ASPH: variants seen among roughly 807,000 people sequenced by gnomAD.
The protein encoded by ASPH is aspartyl/asparaginyl beta-hydroxylase.
Under a neutral mutation model 118.4 loss-of-function variants are expected in ASPH, and 100 were observed. The ratio of observed to expected loss-of-function variants is 0.84; its 90% CI spans 0.72 to 1.00. The LOEUF (loss-of-function observed/expected upper bound fraction) is 1.00, where lower values mean the gene tolerates loss of function less well. Among genes scored for constraint, ASPH ranks in the 50% least tolerant of loss-of-function variants. The pLI, the probability that ASPH is intolerant of heterozygous loss-of-function variation, is 0.00. For missense variants in ASPH, 920 were observed against 919.5 expected, an observed-to-expected ratio of 1.00 and a Z score of -0.01; for synonymous variants, 315 against 325.6, an observed-to-expected ratio of 0.97 and a Z score of 0.35.
intron 24 of ASPH, among the ~76,000 whole-genome samples, chr8:61,515,453 G>A (rs1245283952): frequency 6.6e-6 from 1 of 151,964 alleles, no homozygotes; most frequent in African/African-American, 2.4e-5. Flanking sequence ...TTCCTTCTTG[G>A]TTCTCCTTCC....
At chr8:61,683,857 A>G in intron 2 of ASPH, 182 bp downstream of exon 2, 1 of 626,716 alleles carries the variant, frequency 1.6e-6, no homozygotes. Context: ...ACATTTAAAG[A>G]GTTCAAAAGA....
chr8:61,677,893 A>T (rs1484033493), intron 3 of ASPH, among the ~76,000 whole-genome samples: 1 of 152,210 alleles, frequency 6.6e-6, no homozygotes, highest in East Asian at 1.9e-4. Context: ...ATATGCAACG[A>T]ATATGCAAAA....
chr8:61,607,598 T>C (rs1343508596), intron 14 of ASPH, among the ~76,000 whole-genome samples: 2 of 150,902 alleles, frequency 1.3e-5, no homozygotes, highest in Admixed American at 1.3e-4. Context: ...AATGTTTTCT[T>C]ATTACTTTAA....
At chr8:61,610,906 T>G (rs548247298) in intron 14 of ASPH, among the ~76,000 whole-genome samples, 20 of 152,324 alleles carry the variant, frequency 1.3e-4, no homozygotes, top group Non-Finnish European at 2.4e-4. Context: ...TTCAAGGCGG[T>G]GATGGCTTGA....
chr8:61,648,582 C>T (rs1046521001), intron 5 of ASPH, among the ~76,000 whole-genome samples: 3 of 152,184 alleles, frequency 2.0e-5, no homozygotes, highest in African/African-American at 7.2e-5. Context: ...TTTACACTAG[C>T]AGGATTTAGC....
chr8:61,584,045 G>A lies in ASPH; in HGVS notation c.977-16C>T, dbSNP rs926808794. On this transcript the variant is annotated splice_polypyrimidine_tract_variant and intron_variant, in intron 14 of 24. Transcript: ENST00000379454. ...TTTTTCTTAACTGAAAGAAAAAAGA[G>A]ATTTTTATTTTTAACGTTTTTTGAC... The A allele has an allele frequency of 7.0e-7, 1 of 1,435,508 alleles. No homozygotes were observed. The highest frequency in any genetic ancestry group is 2.1e-5 in the Admixed American group (1 of 46,820). 88.9% of individuals were successfully genotyped at this position (1,435,508 alleles called of 1,614,324 possible). A position where few individuals can be genotyped will look rare whatever the true frequency, so the allele number is the denominator to read the frequency against.
intron 15 of ASPH, among the ~76,000 whole-genome samples, chr8:61,577,421 A>AAAAAAAAG (rs1197809235): frequency 1.3e-5 from 2 of 148,380 alleles, no homozygotes; most frequent in African/African-American, 5.1e-5. Flanking sequence ...AAAAAAAAAA[A>AAAAAAAAG]AAGACAAGAC....
At chr8:61,537,800 G>T (rs1345029076) in intron 21 of ASPH, among the ~76,000 whole-genome samples, 5 of 151,900 alleles carry the variant, frequency 3.3e-5, no homozygotes, top group Admixed American at 6.6e-5. Flanking sequence ...TCCCAAAGAG[G>T]GTCAGAGAGA....
At chr8:61,585,756 C>T (rs548697919) in intron 14 of ASPH, among the ~76,000 whole-genome samples, 1 of 152,252 alleles carries the variant, frequency 6.6e-6, no homozygotes, top group Non-Finnish European at 1.5e-5. Context: ...ACCACGTGGG[C>T]AGAAGCAAGT....
intron 21 of ASPH, among the ~76,000 whole-genome samples, chr8:61,538,289 T>C (rs867753620): frequency 6.6e-6 from 1 of 152,226 alleles, no homozygotes; most frequent in Non-Finnish European, 1.5e-5. Flanking sequence ...CTCCAATTGT[T>C]GTTTTGTTGA....
At chr8:61,695,689 T>C (rs186656945) in intron 1 of ASPH, among the ~76,000 whole-genome samples, 15 of 152,326 alleles carry the variant, frequency 9.8e-5, no homozygotes, top group African/African-American at 3.4e-4. Context: ...ACCTCCAGAA[T>C]GTAAGTTTCA....
At chr8:61,541,405 C>T (rs1316816109) in intron 21 of ASPH, among the ~76,000 whole-genome samples, 1 of 152,206 alleles carries the variant, frequency 6.6e-6, no homozygotes, top group Non-Finnish European at 1.5e-5. Context: ...TTAAAAGTCA[C>T]TCAAGGGCCA....
At chr8:61,670,306 T>G (rs938157072) in intron 3 of ASPH, among the ~76,000 whole-genome samples, 3 of 144,022 alleles carry the variant, frequency 2.1e-5, no homozygotes, top group Non-Finnish European at 3.1e-5. Context: ...TGTTTGTTTG[T>G]TTTTTTTTTA....
chr8:61,648,074 C>G (rs1808965008), intron 5 of ASPH, among the ~76,000 whole-genome samples: 1 of 152,150 alleles, frequency 6.6e-6, no homozygotes, highest in East Asian at 1.9e-4. Context: ...CTCTTCCATA[C>G]CAGCTGGGTG....
chr8:61,503,527 G>A lies in ASPH; in HGVS notation c.2127-18C>T. On this transcript the variant is annotated intron_variant, in intron 24 of 24. Coordinates refer to ENST00000379454, the MANE Select transcript of ASPH (RefSeq NM_004318.4). ...CCCAGGTCCTGCAGCAGAAAGACAAGGATTCCTGAATATAGTTTTGTGTGG... is the reference window on the plus strand; with the variant it reads ...CCCAGGTCCTGCAGCAGAAAGACAAAGATTCCTGAATATAGTTTTGTGTGG... The A allele has an allele frequency of 1.2e-6, 2 of 1,603,278 alleles. No individual in the cohort carries two copies. The highest frequency in any genetic ancestry group is 1.1e-5 in the South Asian group (1 of 89,370).
chr8:61,553,132 A>G lies in ASPH; in HGVS notation c.1537-12T>C. On this transcript the variant is annotated splice_polypyrimidine_tract_variant and intron_variant, in intron 19 of 24. Transcript: ENST00000379454. ...GATTCTATTCCTTCCTGTAGAAAGG[A>G]CAGTGTTAGTATGGGTAAAATAATT... 1 of 1,592,268 alleles carries G rather than the reference A, an allele frequency of 6.3e-7. No individual in the cohort carries two copies. The highest frequency in any genetic ancestry group is 1.1e-5 in the South Asian group (1 of 90,558).
chr8:61,506,187 T>A (rs886731822), intron 24 of ASPH, among the ~76,000 whole-genome samples: 1 of 152,176 alleles, frequency 6.6e-6, no homozygotes. Context: ...ATGTATGAAC[T>A]CAGAGGACAT....
intron 5 of ASPH, among the ~76,000 whole-genome samples, chr8:61,650,130 T>C (rs774517159): frequency 5.9e-5 from 9 of 151,834 alleles, no homozygotes; most frequent in Admixed American, 1.3e-4. Flanking sequence ...TTTATTTAGA[T>C]TGGATTTTCC....
chr8:61,684,700 T>A (rs143196540), intron 1 of ASPH: 29 of 152,684 alleles, frequency 1.9e-4, no homozygotes, highest in African/African-American at 7.0e-4. Flanking sequence ...CTTTACAAGA[T>A]CCGTTGAGGC....
Sources: gnomAD v4.1 joint callset for allele counts (sites outside exome capture counted in the v4.1 genomes callset) on GRCh38, gnomAD v4.1.1 for gene constraint, MANE v1.5 for transcripts, NCBI Gene and HGNC (gene_info 2026-07-23, HGNC 2026-07-21) for gene names.